EEF1AKMT1: variants seen among roughly 807,000 people sequenced by gnomAD.
The protein encoded by EEF1AKMT1 is EEF1A lysine methyltransferase 1.
Under a neutral mutation model 21.0 loss-of-function variants are expected in EEF1AKMT1, and 18 were observed. The ratio of observed to expected loss-of-function variants is 0.86; its 90% CI spans 0.59 to 1.27. The LOEUF (loss-of-function observed/expected upper bound fraction) is 1.27. Ranked by LOEUF, EEF1AKMT1 falls within the 50% of genes most tolerant of loss-of-function variation. The probability of loss-of-function intolerance (pLI) is 0.00; values close to 1 mark genes in which losing one functional copy is unlikely to be tolerated. For synonymous variants in EEF1AKMT1, 109 were observed against 94.8 expected (o/e 1.15, Z -0.87); for missense variants, 246 against 258.6 (o/e 0.95, Z 0.33).
chr13:20,767,088 C>T lies in EEF1AKMT1; in HGVS notation c.-20+6833G>A, dbSNP rs557932199. On this transcript the variant is annotated intron_variant, in intron 1 of 4. Transcript: ENST00000382758. ...TTGGGAGGCTGAGGTGGGCGGATCA[C>T]GAGGTCAGGAGATCGAGACCATCCT... Among the ~76,000 whole-genome samples, 4 of 152,032 alleles carry T rather than the reference C, an allele frequency of 2.6e-5. No homozygotes were observed. The East Asian group carries it at 7.8e-4, about 30-fold the overall frequency.
chr13:20,743,493 C>T (rs1357107199), intron 2 of EEF1AKMT1, among the ~76,000 whole-genome samples: 1 of 151,242 alleles, frequency 6.6e-6, no homozygotes, highest in Non-Finnish European at 1.5e-5. Context: ...ACATCTGTCA[C>T]TTTCTCTCAG....
intron 3 of EEF1AKMT1, among the ~76,000 whole-genome samples, chr13:20,735,003 A>G (rs1206757711): frequency 6.6e-6 from 1 of 152,206 alleles, no homozygotes; most frequent in South Asian, 2.1e-4. Flanking sequence ...GTGCAATTTC[A>G]TGTTGTCTTA....
intron 1 of EEF1AKMT1, among the ~76,000 whole-genome samples, chr13:20,765,876 G>T (rs1458373546): frequency 6.6e-6 from 1 of 151,832 alleles, no homozygotes; most frequent in East Asian, 1.9e-4. Context: ...ATATGACAAG[G>T]TATTCAACCT....
At chr13:20,757,379 A>T in intron 2 of EEF1AKMT1, 76 bp downstream of exon 2, 1 of 1,529,550 alleles carries the variant, frequency 6.5e-7, no homozygotes. Context: ...TAGGTGAGAC[A>T]GACAAACACT....
At chr13:20,769,643 T>G (rs1239036474) in intron 1 of EEF1AKMT1, among the ~76,000 whole-genome samples, 3 of 151,638 alleles carry the variant, frequency 2.0e-5, no homozygotes, top group Non-Finnish European at 2.9e-5. Context: ...GCCTACAAAA[T>G]CAAAAAAACA....
At chr13:20,748,721 TTTTGG>T (rs1370051527) in intron 2 of EEF1AKMT1, among the ~76,000 whole-genome samples, 8,607 of 92,504 alleles carry the variant, frequency 0.093, 1,040 homozygotes, top group East Asian at 0.51. Context: ...AGTTGTTTTT[TTTTGG>T]TTTTTTTTTT....
At chr13:20,734,632 C>G (rs1222908031) in intron 3 of EEF1AKMT1, among the ~76,000 whole-genome samples, 3 of 150,626 alleles carry the variant, frequency 2.0e-5, no homozygotes, top group Non-Finnish European at 2.9e-5. Flanking sequence ...CTCGCGCTCA[C>G]GCTCAGGCTG....
chr13:20,770,346 T>C (rs1302060823), intron 1 of EEF1AKMT1, among the ~76,000 whole-genome samples: 1 of 152,136 alleles, frequency 6.6e-6, no homozygotes, highest in Non-Finnish European at 1.5e-5. Flanking sequence ...TTCAGTTTTA[T>C]AAGATGAAAA....
intron 1 of EEF1AKMT1, among the ~76,000 whole-genome samples, chr13:20,771,869 G>C (rs2059064189): frequency 6.6e-6 from 1 of 152,096 alleles, no homozygotes; most frequent in African/African-American, 2.4e-5. Context: ...AAATTACCCA[G>C]GTGTGGTGGC....
At chr13:20,756,775 C>T (rs1424190296) in intron 2 of EEF1AKMT1, among the ~76,000 whole-genome samples, 1 of 152,184 alleles carries the variant, frequency 6.6e-6, no homozygotes, top group Non-Finnish European at 1.5e-5. Flanking sequence ...CATATACTTA[C>T]CCTTTCCTAC....
At chr13:20,749,550 C>A (rs747113887) in intron 2 of EEF1AKMT1, among the ~76,000 whole-genome samples, 8 of 152,138 alleles carry the variant, frequency 5.3e-5, no homozygotes, top group Non-Finnish European at 1.2e-4. Context: ...TTTATTTTAT[C>A]CTCACACGAG....
At chr13:20,760,020 G>A (rs2058992451) in intron 1 of EEF1AKMT1, among the ~76,000 whole-genome samples, 1 of 148,762 alleles carries the variant, frequency 6.7e-6, no homozygotes, top group Admixed American at 6.9e-5. Flanking sequence ...CAGGAGAATG[G>A]CGCGAACCCG....
At chr13:20,760,260 A>C (rs1039504052) in intron 1 of EEF1AKMT1, among the ~76,000 whole-genome samples, 4 of 152,204 alleles carry the variant, frequency 2.6e-5, no homozygotes, top group African/African-American at 9.7e-5. Context: ...AGGACTATTC[A>C]CAATAGTAAA....
chr13:20,737,961 T>C (rs889764415), intron 2 of EEF1AKMT1, among the ~76,000 whole-genome samples, 156 bp from the exon 3 acceptor site: 1 of 152,244 alleles, frequency 6.6e-6, no homozygotes, highest in African/African-American at 2.4e-5. Context: ...GTTTTTCTTT[T>C]GAAAATTAAT....
chr13:20,735,478 C>A (rs2058821702), intron 3 of EEF1AKMT1, among the ~76,000 whole-genome samples: 1 of 152,138 alleles, frequency 6.6e-6, no homozygotes, highest in Admixed American at 6.5e-5. Context: ...AACTTCCAGG[C>A]TTTCAGTCAC....
chr13:20,748,275 A>G (rs1436036282), intron 2 of EEF1AKMT1, among the ~76,000 whole-genome samples: 1 of 152,156 alleles, frequency 6.6e-6, no homozygotes, highest in African/African-American at 2.4e-5. Context: ...CTCTACTAAA[A>G]ATACAAAGAA....
chr13:20,773,480 G>T (rs1001268588), intron 1 of EEF1AKMT1, among the ~76,000 whole-genome samples: 2 of 152,186 alleles, frequency 1.3e-5, no homozygotes, highest in South Asian at 2.1e-4. Context: ...CTCCAGGAGC[G>T]GACAGTCAGG....
intron 2 of EEF1AKMT1, among the ~76,000 whole-genome samples, chr13:20,739,637 C>T (rs2058858223): frequency 6.6e-6 from 1 of 151,972 alleles, no homozygotes; most frequent in Non-Finnish European, 1.5e-5. Context: ...CTGATTGGTG[C>T]ATTTACAAAC....
intron 3 of EEF1AKMT1, among the ~76,000 whole-genome samples, chr13:20,732,350 G>C (rs538229451): frequency 4.0e-5 from 6 of 149,870 alleles, no homozygotes; most frequent in Non-Finnish European, 7.4e-5. Flanking sequence ...CTTTTTTTTT[G>C]AGATGGAGTC....
Sources: allele counts gnomAD v4.1 joint callset (sites outside exome capture counted in the v4.1 genomes callset), GRCh38; gene constraint gnomAD v4.1.1; transcripts MANE v1.5; gene names NCBI Gene and HGNC (gene_info 2026-07-23, HGNC 2026-07-21).